Variants in TNFSF4 observed in about 807,000 individuals in gnomAD.
TNFSF4 encodes tumor necrosis factor ligand superfamily member 4.
TNFSF4 carries 4 observed loss-of-function variants against 7.3 expected under a neutral mutation model. The ratio of observed to expected loss-of-function variants is 0.55; its 90% CI spans 0.27 to 1.25. The LOEUF is 1.25. TNFSF4 is among the 50% of genes most tolerant of loss of function. The pLI is 0.12. For synonymous variants in TNFSF4, 76 were observed against 83.7 expected (o/e 0.91, Z 0.50); for missense variants, 181 against 208.8 (o/e 0.87, Z 0.82).
chr1:173,437,582 T>C, the TNFSF4 span, among the ~76,000 whole-genome samples: 1 of 152,242 alleles, frequency 6.6e-6, no homozygotes, highest in Non-Finnish European at 1.5e-5. Flanking sequence ...GAATTTGTTT[T>C]CTTGTACTCT....
At chr1:173,291,585 G>A in the TNFSF4 span, among the ~76,000 whole-genome samples, 1 of 151,904 alleles carries the variant, frequency 6.6e-6, no homozygotes. Context: ...CACACCTAGA[G>A]GAACTAGAAA....
chr1:173,392,544 A>T, the TNFSF4 span, among the ~76,000 whole-genome samples: 1 of 152,366 alleles, frequency 6.6e-6, no homozygotes, highest in South Asian at 2.1e-4. Flanking sequence ...CCAAGAATCT[A>T]TTCATTTATT....
chr1:173,448,165 T>C, the TNFSF4 span, among the ~76,000 whole-genome samples: 1 of 152,196 alleles, frequency 6.6e-6, no homozygotes, highest in Admixed American at 6.5e-5. Context: ...TCCACAACCA[T>C]AGTTGGAGAC....
At chr1:173,234,328 G>C in the TNFSF4 span, among the ~76,000 whole-genome samples, 1 of 152,190 alleles carries the variant, frequency 6.6e-6, no homozygotes, top group African/African-American at 2.4e-5. Context: ...GGAGAAATAG[G>C]AACACTCTTA....
chr1:173,443,062 C>A, the TNFSF4 span, among the ~76,000 whole-genome samples: 1 of 152,106 alleles, frequency 6.6e-6, no homozygotes, highest in African/African-American at 2.4e-5. Flanking sequence ...TTGAGATGGG[C>A]AGGAAAGAAG....
chr1:173,241,432 A>G, the TNFSF4 span, among the ~76,000 whole-genome samples: 1 of 152,222 alleles, frequency 6.6e-6, no homozygotes, highest in Admixed American at 6.5e-5. Flanking sequence ...ACGAGCATCC[A>G]TTTGTCTTTT....
At chr1:173,287,099 C>T in the TNFSF4 span, among the ~76,000 whole-genome samples, 21 of 152,130 alleles carry the variant, frequency 1.4e-4, no homozygotes, top group African/African-American at 5.1e-4. Context: ...AGGAAGATTG[C>T]TTGAGGCCAG....
chr1:173,350,894 T>C, the TNFSF4 span, among the ~76,000 whole-genome samples: 1 of 152,296 alleles, frequency 6.6e-6, no homozygotes, highest in Non-Finnish European at 1.5e-5. Flanking sequence ...CTGTCTCCTA[T>C]TCCTGTAAGA....
the TNFSF4 span, among the ~76,000 whole-genome samples, chr1:173,389,396 T>C: frequency 2.6e-5 from 4 of 152,198 alleles, no homozygotes; most frequent in Non-Finnish European, 5.9e-5. Context: ...TCTCTCCTCT[T>C]TCAGAGTCTG....
the TNFSF4 span, among the ~76,000 whole-genome samples, chr1:173,323,403 G>A: frequency 2.0e-5 from 3 of 151,784 alleles, no homozygotes; most frequent in African/African-American, 4.8e-5. Context: ...CATCATCAAA[G>A]ACCAAAGGTA....
At chr1:173,418,328 C>A in the TNFSF4 span, 1 of 152,264 alleles carries the variant, frequency 6.6e-6, no homozygotes, top group Non-Finnish European at 1.5e-5. Context: ...GAAATGCTAA[C>A]CCCTGCCCTA....
chr1:173,394,943 TAGAC>T, the TNFSF4 span, among the ~76,000 whole-genome samples: 4,219 of 149,734 alleles, frequency 0.028, 115 homozygotes, highest in African/African-American at 0.059. Flanking sequence ...GATAGATAGA[TAGAC>T]AGACAGACAG....
upstream of TNFSF4, among the ~76,000 whole-genome samples, chr1:173,209,777 A>T (rs183656825): frequency 4.4e-3 from 672 of 152,334 alleles, 4 homozygotes; most frequent in Non-Finnish European, 5.9e-3. Flanking sequence ...CACTGGGTTT[A>T]TAGGCATCAG....
At chr1:173,262,598 CTTT>C in the TNFSF4 span, among the ~76,000 whole-genome samples, 13 of 105,032 alleles carry the variant, frequency 1.2e-4, no homozygotes, top group South Asian at 3.3e-4. Context: ...CCAAAAGATT[CTTT>C]TTTTTTTTTT....
At chr1:173,388,802 G>A in the TNFSF4 span, among the ~76,000 whole-genome samples, 5 of 152,052 alleles carry the variant, frequency 3.3e-5, no homozygotes, top group East Asian at 7.7e-4. Context: ...TCAGATTTCT[G>A]TGTCAATTTC....
the TNFSF4 span, among the ~76,000 whole-genome samples, chr1:173,245,638 A>C: frequency 6.6e-6 from 1 of 152,164 alleles, no homozygotes; most frequent in Non-Finnish European, 1.5e-5. Flanking sequence ...TGAAATATAC[A>C]ATATTGTTAA....
the TNFSF4 span, among the ~76,000 whole-genome samples, chr1:173,402,564 C>T: frequency 1.6e-4 from 25 of 152,304 alleles, 2 homozygotes; most frequent in Admixed American, 1.4e-3. Context: ...TCAGATGGAA[C>T]GTATTAAGCC....
chr1:173,436,273 C>G, the TNFSF4 span, among the ~76,000 whole-genome samples: 3 of 152,164 alleles, frequency 2.0e-5, no homozygotes, highest in African/African-American at 7.2e-5. Context: ...TACTAAGCCA[C>G]CTATCACAGT....
At chr1:173,241,887 G>T in the TNFSF4 span, among the ~76,000 whole-genome samples, 1 of 152,182 alleles carries the variant, frequency 6.6e-6, no homozygotes, top group Non-Finnish European at 1.5e-5. Flanking sequence ...GCTGATACGG[G>T]AACTGCCCAA....
Sources: allele counts gnomAD v4.1 joint callset (sites outside exome capture counted in the v4.1 genomes callset), GRCh38; gene constraint gnomAD v4.1.1; transcripts MANE v1.5; gene names NCBI Gene and HGNC (gene_info 2026-07-23, HGNC 2026-07-21).